TMEM235: variants seen among roughly 807,000 people sequenced by gnomAD.
The protein encoded by TMEM235 is transmembrane protein 235, also known as claudin-27.
TMEM235 carries 23 observed loss-of-function variants against 22.9 expected under a neutral mutation model. The ratio of observed to expected loss-of-function variants is 1.00; its 90% confidence interval spans 0.72 to 1.42. The LOEUF (loss-of-function observed/expected upper bound fraction) is 1.42, where lower values mean the gene tolerates loss of function less well. Ranked by LOEUF, TMEM235 falls within the 40% of genes most tolerant of loss-of-function variation. TMEM235 has a pLI of 0.00. For synonymous variants in TMEM235, 137 were observed against 140.5 expected (o/e 0.98, Z 0.17); for missense variants, 308 against 299.5 (o/e 1.03, Z -0.21).
At chr17:78,234,276 C>G (rs928781070) in intron 3 of TMEM235, 1 of 689,628 alleles carries the variant, frequency 1.5e-6, no homozygotes, top group Non-Finnish European at 2.6e-6. Flanking sequence ...TTGCAGACTC[C>G]TGGCTCCCCA....
chr17:78,232,582 C>T (rs371014041), intron 2 of TMEM235, among the ~76,000 whole-genome samples: 2 of 152,230 alleles, frequency 1.3e-5, no homozygotes, highest in Admixed American at 1.3e-4. Context: ...CCCTTGTCCC[C>T]GTCCCTGTCA....
At chr17:78,231,788 T>C in exon 2 of TMEM235, 2 of 1,219,190 alleles carry the variant, frequency 1.6e-6, no homozygotes, top group South Asian at 1.5e-5. Flanking sequence ...GGCTCTCGAC[T>C]TCCTCTCCTT....
At chr17:78,231,908 A>T (rs2076584124) in exon 2 of TMEM235, 2 of 992,266 alleles carry the variant, frequency 2.0e-6, no homozygotes, top group Non-Finnish European at 2.4e-6. Context: ...TGCTCAGAAG[A>T]GCCGGGCGCC....
At chr17:78,234,228 A>G in intron 3 of TMEM235, 1 of 695,298 alleles carries the variant, frequency 1.4e-6, no homozygotes, top group East Asian at 2.7e-5. Flanking sequence ...TTATTGGGGA[A>G]GCCAGGCAGC....
At position 78,234,643 on chromosome 17, in the gene TMEM235, G is replaced by A. The variant is rs867127270; in HGVS notation, c.322G>A (p.Val108Met). 6 of 1,536,070 alleles carry A rather than the reference G, an allele frequency of 3.9e-6. No homozygotes were observed. Among genetic ancestry groups the A allele is most frequent in the African/African-American group, 1.4e-5 (1 of 73,042 alleles). ...CCTGCCCCTGAGCCTGGTCCTTCTC[G>A]TGTGTGGCTGGATCTGCGGCCTGCT... Residue 108 changes from valine (V) to methionine (M), a missense_variant, in exon 4 of 6, where the codon GTG (valine) becomes ATG (methionine). By Grantham distance (21) the Val-to-Met change is conservative. Transcript: ENST00000421688.
At chr17:78,240,172 C>T (rs1390177101) in exon 6 of TMEM235, 2 of 866,546 alleles carry the variant, frequency 2.3e-6, no homozygotes, top group African/African-American at 1.7e-5. Context: ...CTGGTGGGCA[C>T]ACTGAGCTGG....
chr17:78,233,770 C>A, intron 2 of TMEM235, 125 bp from the exon 2 acceptor site: 1 of 720,642 alleles, frequency 1.4e-6, no homozygotes. Context: ...GGAGTCCCAG[C>A]CCTGAGTTTC....
exon 2 of TMEM235, chr17:78,231,881 G>A (rs1434405192): frequency 9.7e-6 from 11 of 1,129,986 alleles, no homozygotes; most frequent in Non-Finnish European, 1.2e-5. Context: ...GCCAGTGCGC[G>A]GGCAGGAGCG....
At position 78,239,990 on chromosome 17, in the gene TMEM235, C is replaced by T. The variant is rs755465866; in HGVS notation, c.*198C>T. On this transcript the variant is annotated 3_prime_UTR_variant, in exon 6 of 6. Coordinates refer to ENST00000421688, the Ensembl canonical transcript of TMEM235. Reference sequence around the variant, plus strand: ...AAGGAGCTGAGCGATCCAGATGTACCCCTCTGCCCCCTCCCTTGTTCTCAA... The same window carrying T: ...AAGGAGCTGAGCGATCCAGATGTACTCCTCTGCCCCCTCCCTTGTTCTCAA... The T allele has an allele frequency of 7.1e-6, 11 of 1,540,964 alleles. No homozygotes were observed. The Admixed American group carries it at 1.8e-4, about 25-fold the overall frequency.
At chr17:78,231,926 C>G (rs1486552096) in exon 2 of TMEM235, 1 of 992,572 alleles carries the variant, frequency 1.0e-6, no homozygotes, top group Non-Finnish European at 1.2e-6. Flanking sequence ...GCCGCCGCGC[C>G]CGCCCGCCCC....
chr17:78,231,406 C>G, intron 1 of TMEM235: 1 of 1,283,022 alleles, frequency 7.8e-7, no homozygotes, highest in South Asian at 1.3e-5. Context: ...TGAGTGAATC[C>G]AAAACAAGGT....
rs1009561217 is a variant in TMEM235 at position 78,232,017 on chromosome 17, C to T, written c.-7C>T. ...CCCCGACCCGTCCCCTCCCGCCGGC[C>T]GCCCCCATGGCCCGGCTGGGCGCGC... On this transcript the variant is annotated 5_prime_UTR_variant, in exon 2 of 6. Coordinates refer to ENST00000421688, the Ensembl canonical transcript of TMEM235. 6 of 1,273,140 alleles carry T rather than the reference C, an allele frequency of 4.7e-6. No individual in the cohort carries two copies. The Admixed American group carries it at 1.3e-4, about 27-fold the overall frequency. 78.9% of individuals were successfully genotyped at this position (1,273,140 alleles called of 1,614,324 possible).
chr17:78,234,478 T>C lies in TMEM235; in HGVS notation c.272-115T>C, dbSNP rs1174432034. On this transcript the variant is annotated intron_variant, in intron 3 of 5. Coordinates refer to ENST00000421688, the Ensembl canonical transcript of TMEM235. ...GAGGGTCCAGTGGTGTCCACAGAGA[T>C]GGGCGTCAGCCGCTTTTCCTGAGAA... 25 of 1,445,290 alleles carry C rather than the reference T, an allele frequency of 1.7e-5. No individual in the cohort carries two copies. In the Middle Eastern group the frequency reaches 5.2e-4, roughly 30 times the overall value. 89.5% of individuals were successfully genotyped at this position (1,445,290 alleles called of 1,614,324 possible). A position where few individuals can be genotyped will look rare whatever the true frequency, so the allele number is the denominator to read the frequency against.
intron 4 of TMEM235, among the ~76,000 whole-genome samples, chr17:78,236,493 G>A (rs2076645594): frequency 6.6e-6 from 1 of 152,168 alleles, no homozygotes; most frequent in African/African-American, 2.4e-5. Context: ...TCCTCCGAGG[G>A]CCCCCCAGTC....
chr17:78,234,673 TCCCTGG>T, exon 4 of TMEM235: 1 of 1,536,176 alleles, frequency 6.5e-7, no homozygotes, highest in Non-Finnish European at 8.7e-7. Flanking sequence ...CCTGCTCAGC[TCCCTGG>T]CCCAGAGCGT....
At chr17:78,232,043 T>C in exon 2 of TMEM235, 2 of 1,281,532 alleles carry the variant, frequency 1.6e-6, no homozygotes, top group Non-Finnish European at 2.0e-6. Flanking sequence ...CTGGGCGCGC[T>C]GCTCCTGGCC....
intron 4 of TMEM235, 105 bp downstream of exon 3, chr17:78,234,835 C>T (rs1300316215): frequency 3.5e-6 from 5 of 1,437,700 alleles, no homozygotes; most frequent in Non-Finnish European, 4.7e-6. Flanking sequence ...CTGCTCCCTT[C>T]TGGGCGGGTG....
Position 78,232,633 on chromosome 17 carries a change from C to T in TMEM235, c.190+420C>T, listed in dbSNP as rs567448344. ...GTTCACCCCACACCTCCTGATGCCG[C>T]GGGGGCAGGGGTTCCAAATGTGTAC... On this transcript the variant is annotated intron_variant, in intron 2 of 5. Coordinates refer to ENST00000421688, the Ensembl canonical transcript of TMEM235. Among the ~76,000 whole-genome samples the T allele has an allele frequency of 2.6e-5, 4 of 152,300 alleles. No homozygotes were observed. In the South Asian group the frequency reaches 8.3e-4, roughly 32 times the overall value.
chr17:78,238,849 C>T lies in TMEM235; in HGVS notation c.410-175C>T, dbSNP rs761225404. On this transcript the variant is annotated intron_variant, in intron 4 of 5. Transcript: ENST00000421688. This position sits in a 1 kb window ranked among gnomAD's most constrained non-coding sequence, Gnocchi z 4.3. ...AGCAGGAGGTGGTGTCTGGGAGAGG[C>T]GGCCAGGTTGACAGCCAGGCAGGGC... Among the ~76,000 whole-genome samples the T allele has an allele frequency of 7.2e-5, 11 of 151,998 alleles. No homozygotes were observed. Among genetic ancestry groups the T allele is most frequent in the African/African-American group, 1.9e-4 (8 of 41,362 alleles).
Sources: allele counts gnomAD v4.1 joint callset (sites outside exome capture counted in the v4.1 genomes callset), GRCh38; gene constraint gnomAD v4.1.1; non-coding constraint Gnocchi (gnomAD v3.1); transcripts MANE v1.5; gene names NCBI Gene and HGNC (gene_info 2026-07-23, HGNC 2026-07-21).